Variants in CNTN4 observed in about 807,000 individuals in gnomAD.
CNTN4 encodes the protein contactin-4.
A neutral mutation model predicts 122.5 loss-of-function variants in CNTN4; 77 were observed. The ratio of observed to expected loss-of-function variants is 0.63; its 90% CI spans 0.52 to 0.76. The LOEUF is 0.76. CNTN4 is among the 30% of genes least tolerant of loss of function. The pLI is 0.00. For missense variants in CNTN4, 1,256 were observed against 1,259.1 expected, an observed-to-expected ratio of 1.00 and a Z score of 0.04; for synonymous variants, 512 against 447.0, an observed-to-expected ratio of 1.15 and a Z score of -1.83.
At chr3:2,302,041 T>A (rs974214478) in intron 2 of CNTN4, among the ~76,000 whole-genome samples, 1 of 152,230 alleles carries the variant, frequency 6.6e-6, no homozygotes, top group African/African-American at 2.4e-5. Context: ...TCTGTCTAAA[T>A]TGGAACTGAT....
intron 3 of CNTN4, among the ~76,000 whole-genome samples, chr3:2,439,430 A>C (rs949974415): frequency 6.6e-6 from 1 of 152,088 alleles, no homozygotes; most frequent in South Asian, 2.1e-4. Context: ...TTGGTATCAT[A>C]ATAATATGAT....
chr3:2,125,330 C>G (rs865895217), intron 2 of CNTN4, among the ~76,000 whole-genome samples: 95 of 143,470 alleles, frequency 6.6e-4, no homozygotes, highest in African/African-American at 2.1e-3. Context: ...ATTCTATTCT[C>G]TGTGTGTGTG....
chr3:2,482,260 G>C (rs1282155762), intron 3 of CNTN4, among the ~76,000 whole-genome samples: 1 of 152,176 alleles, frequency 6.6e-6, no homozygotes, highest in Non-Finnish European at 1.5e-5. Flanking sequence ...GACTTGCTAT[G>C]ATTTAGCAAA....
intron 2 of CNTN4, among the ~76,000 whole-genome samples, chr3:2,241,978 C>G (rs1364341088): frequency 6.6e-6 from 1 of 152,022 alleles, no homozygotes. Flanking sequence ...ACTTCAAACA[C>G]AATTTCTAAA....
At chr3:2,130,452 T>G (rs2034397138) in intron 2 of CNTN4, among the ~76,000 whole-genome samples, 1 of 152,150 alleles carries the variant, frequency 6.6e-6, no homozygotes, top group Non-Finnish European at 1.5e-5. Flanking sequence ...GGTATTTAAT[T>G]CAGGTAATAA....
In CNTN4 at chr3:2,978,609, A is replaced by G. The variant is rs539726460; in HGVS notation, c.1359-9736A>G. ...TAGATTGTTATTTTAATTGTGTAGA[A>G]AAAGCAAGCTCATCTGTGGCTGTGA... is the stretch of plus-strand genomic sequence containing the variant. On this transcript the variant is annotated intron_variant, in intron 13 of 24. Transcript: ENST00000418658. 2.0e-5 allele frequency among the ~76,000 whole-genome samples: 3 copies of G among 152,336 alleles called. No homozygotes were observed. In the East Asian group the frequency reaches 5.8e-4, roughly 29 times the overall value.
intron 2 of CNTN4, among the ~76,000 whole-genome samples, chr3:2,108,935 C>G (rs2032707261): frequency 6.6e-6 from 1 of 152,012 alleles, no homozygotes; most frequent in South Asian, 2.1e-4. Context: ...ATAGTAGATG[C>G]CAAAAATACA....
chr3:2,133,878 T>C (rs2034564320), intron 2 of CNTN4, among the ~76,000 whole-genome samples: 1 of 152,210 alleles, frequency 6.6e-6, no homozygotes. Flanking sequence ...TTTTCCAGAA[T>C]TAGATTTAAA....
At position 2,660,490 on chromosome 3, in the gene CNTN4, A is replaced by AGACAAGTTCTGG. The variant is rs1304814107; in HGVS notation, c.56-75723_56-75712dup. On this transcript the variant is annotated intron_variant, in intron 4 of 24. Coordinates refer to ENST00000418658, the MANE Select transcript of CNTN4 (RefSeq NM_175607.3). ...TGAATCCAGAGCAATATTGTCTGTT[A>AGACAAGTTCTGG]GACAAGTTCTGGGTTTTGTCTGCTT... Among the ~76,000 whole-genome samples, 4 of 152,320 alleles carry AGACAAGTTCTGG rather than the reference A, an allele frequency of 2.6e-5. No individual in the cohort carries two copies. The East Asian group carries it at 7.7e-4, about 29-fold the overall frequency.
chr3:2,726,148 C>G (rs1187779871), intron 4 of CNTN4, among the ~76,000 whole-genome samples: 1 of 152,114 alleles, frequency 6.6e-6, no homozygotes, highest in Non-Finnish European at 1.5e-5. Flanking sequence ...TTCTCTCTCT[C>G]TATGTGGGAG....
intron 6 of CNTN4, among the ~76,000 whole-genome samples, chr3:2,749,498 G>T (rs1014288797): frequency 2.6e-5 from 4 of 152,020 alleles, no homozygotes; most frequent in Non-Finnish European, 5.9e-5. Context: ...GAATGATTGT[G>T]TATTTACTTT....
intron 2 of CNTN4, among the ~76,000 whole-genome samples, chr3:2,107,981 A>G (rs1168937754): frequency 6.6e-6 from 1 of 152,128 alleles, no homozygotes; most frequent in African/African-American, 2.4e-5. Context: ...TTACAGAGTT[A>G]TGGAAGGGAA....
intron 19 of CNTN4, 191 bp from the exon 20 acceptor site, chr3:3,039,846 C>G (rs2125756981): frequency 1.6e-6 from 1 of 606,136 alleles, no homozygotes; most frequent in Admixed American, 2.4e-5. Context: ...CGTTTTCAAC[C>G]CTGTCCAGTA....
At chr3:2,182,819 A>G (rs1471965139) in intron 2 of CNTN4, among the ~76,000 whole-genome samples, 1 of 149,802 alleles carries the variant, frequency 6.7e-6, no homozygotes, top group East Asian at 1.9e-4. Flanking sequence ...AAAGCCACCA[A>G]CTCAGCACAG....
chr3:2,837,769 A>C (rs2093260330), intron 7 of CNTN4, among the ~76,000 whole-genome samples: 1 of 152,148 alleles, frequency 6.6e-6, no homozygotes, highest in Non-Finnish European at 1.5e-5. Context: ...AGCCAGTAAA[A>C]TGTAGAGGGA....
At chr3:2,562,515 A>G (rs1200971269) in intron 3 of CNTN4, among the ~76,000 whole-genome samples, 1 of 152,138 alleles carries the variant, frequency 6.6e-6, no homozygotes, top group Non-Finnish European at 1.5e-5. Flanking sequence ...TTTGTTTAGT[A>G]TAATGGCCTC....
At chr3:2,283,782 C>A (rs964343620) in intron 2 of CNTN4, among the ~76,000 whole-genome samples, 2 of 152,088 alleles carry the variant, frequency 1.3e-5, no homozygotes, top group Non-Finnish European at 2.9e-5. Flanking sequence ...GGCTTACAAT[C>A]CTTGTTTTTT....
intron 3 of CNTN4, among the ~76,000 whole-genome samples, chr3:2,484,999 A>G (rs1157340261): frequency 6.6e-6 from 1 of 152,198 alleles, no homozygotes; most frequent in African/African-American, 2.4e-5. Context: ...GCCCGCACTC[A>G]GAGCAGCGGG....
intron 7 of CNTN4, among the ~76,000 whole-genome samples, chr3:2,853,412 T>G (rs146330788): frequency 6.6e-6 from 1 of 152,028 alleles, no homozygotes; most frequent in Non-Finnish European, 1.5e-5. Flanking sequence ...GCCCAGCTCA[T>G]TTTTGAATTT....
Sources: gnomAD v4.1 joint callset for allele counts (sites outside exome capture counted in the v4.1 genomes callset) on GRCh38, gnomAD v4.1.1 for gene constraint, MANE v1.5 for transcripts, NCBI Gene and HGNC (gene_info 2026-07-23, HGNC 2026-07-21) for gene names.